CFAP77: variants seen among roughly 807,000 people sequenced by gnomAD.
The protein encoded by CFAP77 is cilia- and flagella-associated protein 77.
A neutral mutation model predicts 31.1 loss-of-function variants in CFAP77; 25 were observed. The ratio of observed to expected loss-of-function variants is 0.80; its 90% CI spans 0.59 to 1.12. CFAP77 has a LOEUF of 1.12. Among genes scored for constraint, CFAP77 ranks in the 50% most tolerant of loss-of-function variants. The probability of loss-of-function intolerance (pLI) is 0.00; values close to 1 mark genes in which losing one functional copy is unlikely to be tolerated. For synonymous variants in CFAP77, 151 were observed against 159.9 expected (o/e 0.94, Z 0.42); for missense variants, 377 against 397.3 (o/e 0.95, Z 0.44).
In CFAP77 at chr9:132,482,326, C is replaced by T. The variant is rs749789243; in HGVS notation, c.196-16369C>T. ...CTTTCGTAGGCTGCCGGCCCGGCCT[C>T]GGTGGGAACCTCTTATTCTGTTTAT... is the stretch of plus-strand genomic sequence containing the variant. On this transcript the variant is annotated intron_variant, in intron 1 of 5. Coordinates refer to ENST00000393216, the MANE Select transcript of CFAP77 (RefSeq NM_001282957.2). 22 of 1,613,548 alleles carry T rather than the reference C, an allele frequency of 1.4e-5. No individual in the cohort carries two copies. The East Asian group carries it at 1.8e-4, about 13-fold the overall frequency.
intron 1 of CFAP77, among the ~76,000 whole-genome samples, chr9:132,414,096 A>G (rs1282375245): frequency 6.6e-6 from 1 of 152,240 alleles, no homozygotes; most frequent in Admixed American, 6.5e-5. Context: ...TCTTTTGGCC[A>G]CAACATATGA....
intron 3 of CFAP77, among the ~76,000 whole-genome samples, chr9:132,528,617 G>T: frequency 8.5e-6 from 1 of 117,562 alleles, no homozygotes; most frequent in African/African-American, 3.1e-5. Flanking sequence ...TCTGACAAAG[G>T]GCTAATATCC....
In CFAP77 at chr9:132,480,007, G is replaced by T. The variant is rs1178360028; in HGVS notation, c.196-18688G>T. On this transcript the variant is annotated intron_variant, in intron 1 of 5. Coordinates refer to ENST00000393216, the MANE Select transcript of CFAP77 (RefSeq NM_001282957.2). This position sits in a 1 kb window ranked among gnomAD's most constrained non-coding sequence, Gnocchi z 5.8. ...CTGAGCAGGAGAAGCAGATGATGCG[G>T]CTCTGGATGACACGGATGGAGACGC... 6.6e-6 allele frequency among the ~76,000 whole-genome samples: 1 copy of T among 152,214 alleles called. No individual in the cohort carries two copies.
intron 1 of CFAP77, among the ~76,000 whole-genome samples, chr9:132,415,523 G>T (rs993438299): frequency 1.3e-5 from 2 of 152,298 alleles, no homozygotes; most frequent in Non-Finnish European, 2.9e-5. Context: ...TTAATTAAGC[G>T]CAGACCTCAG....
intron 1 of CFAP77, chr9:132,482,246 TG>T: frequency 9.4e-7 from 1 of 1,059,594 alleles, no homozygotes; most frequent in Non-Finnish European, 1.4e-6. Context: ...CAGGGTCTGC[TG>T]GCTGTGACCC....
intron 1 of CFAP77, among the ~76,000 whole-genome samples, chr9:132,482,782 T>C (rs1263426259): frequency 9.0e-6 from 1 of 110,634 alleles, no homozygotes; most frequent in Admixed American, 1.3e-4. Context: ...AAGGGGAACA[T>C]CACACTCTGG....
intron 1 of CFAP77, among the ~76,000 whole-genome samples, chr9:132,475,494 AGCCGATAATC>A (rs1270441977): frequency 5.9e-5 from 9 of 152,190 alleles, no homozygotes; most frequent in Admixed American, 5.2e-4. Context: ...TTTGGGACTG[AGCCGATAATC>A]GTCTCTGAAT....
At chr9:132,510,121 C>T (rs1315827277) in intron 3 of CFAP77, among the ~76,000 whole-genome samples, 9 of 152,140 alleles carry the variant, frequency 5.9e-5, no homozygotes, top group African/African-American at 1.7e-4. Flanking sequence ...TGGATGGGGC[C>T]GCCACTCCCC....
chr9:132,553,997 C>T (rs1852859029), intron 5 of CFAP77, among the ~76,000 whole-genome samples: 1 of 152,186 alleles, frequency 6.6e-6, no homozygotes, highest in African/African-American at 2.4e-5. Context: ...TCTTCAATGC[C>T]TACACTGTGT....
intron 1 of CFAP77, among the ~76,000 whole-genome samples, chr9:132,416,641 CTTT>C (rs753121257): frequency 3.2e-5 from 4 of 123,178 alleles, no homozygotes; most frequent in Admixed American, 8.3e-5. Flanking sequence ...CCACACTGGG[CTTT>C]TTTTTTTTTT....
chr9:132,486,044 ATGTATATGTATGTGTGTGTG>A (rs1564223133), intron 1 of CFAP77, among the ~76,000 whole-genome samples: 21 of 33,166 alleles, frequency 6.3e-4, no homozygotes, highest in African/African-American at 8.7e-4. Flanking sequence ...ATATATATGT[ATGTATATGTATGTGTGTGTG>A]TGTATATATA....
At chr9:132,410,950 AATGTTC>A (rs749528824) in intron 1 of CFAP77, among the ~76,000 whole-genome samples, 12 of 152,176 alleles carry the variant, frequency 7.9e-5, no homozygotes, top group Non-Finnish European at 1.6e-4. Context: ...CATCACGTCG[AATGTTC>A]ATTTCCGTTC....
chr9:132,530,136 CTTTTTTTTTTTTTT>C (rs750962954), intron 3 of CFAP77, among the ~76,000 whole-genome samples: 1 of 93,268 alleles, frequency 1.1e-5, no homozygotes, highest in Non-Finnish European at 2.1e-5. Context: ...TCTTTCTTTT[CTTTTTTTTTTTTTT>C]TTTTTTTGGT....
At chr9:132,548,528 C>T (rs1470499596) in intron 5 of CFAP77, among the ~76,000 whole-genome samples, 3 of 152,226 alleles carry the variant, frequency 2.0e-5, no homozygotes, top group Non-Finnish European at 4.4e-5. Context: ...TTTGCATATT[C>T]AGCTTCCCTC....
intron 5 of CFAP77, among the ~76,000 whole-genome samples, chr9:132,566,288 C>A (rs935229155): frequency 6.6e-6 from 1 of 152,200 alleles, no homozygotes; most frequent in Non-Finnish European, 1.5e-5. Flanking sequence ...GGGCTTGGGG[C>A]CTTGAGTCTT....
intron 5 of CFAP77, among the ~76,000 whole-genome samples, chr9:132,546,201 C>G (rs1852725495): frequency 6.6e-6 from 1 of 152,206 alleles, no homozygotes. Context: ...CCCTTTCTCC[C>G]CTTCCCAAAC....
At chr9:132,456,450 C>T (rs1360313004) in intron 1 of CFAP77, among the ~76,000 whole-genome samples, 1 of 152,220 alleles carries the variant, frequency 6.6e-6, no homozygotes, top group Non-Finnish European at 1.5e-5. Context: ...TGCGGTCAGA[C>T]TCCAGAAATG....
chr9:132,464,250 G>A (rs945413919), intron 1 of CFAP77, among the ~76,000 whole-genome samples: 7 of 152,232 alleles, frequency 4.6e-5, no homozygotes, highest in Admixed American at 2.0e-4. Context: ...TATGCCGTGG[G>A]CCAGATACAG....
In CFAP77 at chr9:132,542,957, GA is replaced by G. The variant is rs1160739429; in HGVS notation, c.644del (p.Lys215SerfsTer10). 1 of 1,614,144 alleles carries G rather than the reference GA, an allele frequency of 6.2e-7. No individual in the cohort carries two copies. The highest frequency in any genetic ancestry group is 8.5e-7 in the Non-Finnish European group (1 of 1,179,996). On this transcript the variant is annotated frameshift_variant, in exon 5 of 6. Coordinates refer to ENST00000393216, the MANE Select transcript of CFAP77 (RefSeq NM_001282957.2). LOFTEE classifies it high-confidence loss of function. ...TCCCTGGCCTACAGGTGGTCCTTGG[GA>G]AGCTGTATGAGACCCGGAGCAGTCA... ...LEKKQKVVLGKLYETRSSQLR... is the reference protein window; with the variant it reads ...LEKKQKVVLGXLYETRSSQLR...
Sources: allele counts gnomAD v4.1 joint callset (sites outside exome capture counted in the v4.1 genomes callset), GRCh38; gene constraint gnomAD v4.1.1; non-coding constraint Gnocchi (gnomAD v3.1); transcripts MANE v1.5; gene names NCBI Gene and HGNC (gene_info 2026-07-23, HGNC 2026-07-21).